The following AHNAK variants were observed in gnomAD, a reference collection of about 807,000 sequenced individuals.
The protein encoded by AHNAK is neuroblast differentiation-associated protein AHNAK.
In AHNAK, 23 loss-of-function variants were observed where a neutral mutation model predicts 37.8. That is an observed-to-expected ratio of 0.61 (90% CI 0.44 to 0.86). The LOEUF is 0.86. Among genes scored for constraint, AHNAK ranks in the 40% least tolerant of loss-of-function variants. AHNAK has a pLI of 0.00. For synonymous variants in AHNAK, 2,481 were observed against 2,636.3 expected (o/e 0.94, Z 1.80); for missense variants, 7,411 against 7,319.4 (o/e 1.01, Z -0.46).
At chr11:62,451,834 GT>G (rs1938545154) in intron 5 of AHNAK, among the ~76,000 whole-genome samples, 1 of 140,636 alleles carries the variant, frequency 7.1e-6, no homozygotes, top group Non-Finnish European at 1.5e-5. Context: ...TTTGGACAGA[GT>G]CTTGCTCTGT....
At chr11:62,475,435 T>A (rs901330519) in intron 5 of AHNAK, among the ~76,000 whole-genome samples, 60 of 152,106 alleles carry the variant, frequency 3.9e-4, no homozygotes, top group Non-Finnish European at 4.6e-4. Context: ...ATATGGCATG[T>A]TCTCACTTAT....
chr11:62,510,924 A>T (rs1939898413), downstream of AHNAK, among the ~76,000 whole-genome samples: 1 of 152,162 alleles, frequency 6.6e-6, no homozygotes, highest in Non-Finnish European at 1.5e-5. Context: ...ACACTTTAAA[A>T]AAAAAGAAAT....
Position 62,520,948 on chromosome 11 carries a change from C to T in AHNAK, c.13469G>A (p.Gly4490Glu). ...AGGACCTTCAATGTCTACCTCTGGC[C>T]CTTTCAGATCACTTTCCACCTTAGG... ...SLPKVESDLK[G>E]PEVDIEGPEG... The change falls in exon 5 of 5, where the codon GGG (glycine) becomes GAG (glutamate). Residue 4490 changes from glycine to glutamate, a missense_variant. By Grantham distance (98) the Gly-to-Glu change is moderately conservative (BLOSUM62 -2). Coordinates refer to ENST00000378024, the MANE Select transcript of AHNAK (RefSeq NM_001620.3). 9 of 1,614,112 alleles carry T rather than the reference C, an allele frequency of 5.6e-6. No individual in the cohort carries two copies. The highest frequency in any genetic ancestry group is 7.6e-6 in the Non-Finnish European group (9 of 1,180,024).
intron 5 of AHNAK, among the ~76,000 whole-genome samples, chr11:62,487,969 CA>C (rs975002347): frequency 6.6e-6 from 1 of 152,152 alleles, no homozygotes; most frequent in Non-Finnish European, 1.5e-5. Context: ...CATCCATGAT[CA>C]GGGGAAAGAG....
At chr11:62,452,064 G>A (rs547963081) in intron 5 of AHNAK, among the ~76,000 whole-genome samples, 6 of 151,860 alleles carry the variant, frequency 4.0e-5, no homozygotes, top group Admixed American at 2.6e-4. Flanking sequence ...CACCTGCCTC[G>A]GCCTCCCAAA....
chr11:62,438,178 TCTC>T (rs1565194001), intron 5 of AHNAK, among the ~76,000 whole-genome samples: 1 of 138,650 alleles, frequency 7.2e-6, no homozygotes, highest in Non-Finnish European at 1.5e-5. Context: ...TTTTTCTTTC[TCTC>T]TTTTTTTTTT....
In AHNAK at chr11:62,526,981, T is replaced by C; in HGVS notation, c.7436A>G (p.Glu2479Gly). The change falls in exon 5 of 5, where the codon GAA (glutamate) becomes GGA (glycine). Residue 2479 changes from glutamate to glycine, a missense_variant. By Grantham distance (98) the Glu-to-Gly change is moderately conservative (BLOSUM62 -2). Transcript: ENST00000378024. The part of the protein sequence containing the change: ...GDVDVSVPEV[E>G]GKLEVPDMNI... The stretch of plus-strand genomic sequence containing the variant: ...CATATCTGGTACTTCAAGTTTACCT[T>C]CTACCTCAGGCACAGACACATCCAC... 6.2e-7 allele frequency: 1 copy of C among 1,614,070 alleles called. No homozygotes were observed. Among genetic ancestry groups the C allele is most frequent in the South Asian group, 1.1e-5 (1 of 91,074 alleles).
chr11:62,465,353 G>A (rs914344362), intron 5 of AHNAK, among the ~76,000 whole-genome samples: 6 of 152,280 alleles, frequency 3.9e-5, no homozygotes, highest in African/African-American at 7.2e-5. Flanking sequence ...GGTGGCTCAC[G>A]CCTGTAATCC....
In AHNAK at chr11:62,520,564, A is replaced by G. The variant is rs1441823516; in HGVS notation, c.13853T>C (p.Val4618Ala). 10 of 1,614,106 alleles carry G rather than the reference A, an allele frequency of 6.2e-6. No individual in the cohort carries two copies. Among genetic ancestry groups the G allele is most frequent in the Non-Finnish European group, 7.6e-6 (9 of 1,180,028 alleles). Residue 4618 changes from valine to alanine, a missense_variant, in exon 5 of 5, where the codon GTG (valine) becomes GCG (alanine). Val to Ala is a moderately conservative substitution (Grantham distance 64). Coordinates refer to ENST00000378024, the MANE Select transcript of AHNAK (RefSeq NM_001620.3). Reference sequence around the variant, plus strand: ...TTCGGGGCCCTTGAGGTCGCCTTCCACTTTGGGCAGAGAAATGTCCATGTC... The same window carrying G: ...TTCGGGGCCCTTGAGGTCGCCTTCCGCTTTGGGCAGAGAAATGTCCATGTC... ...KGDMDISLPK[V>A]EGDLKGPEVD...
At chr11:62,469,956 T>C (rs1205364333) in intron 5 of AHNAK, among the ~76,000 whole-genome samples, 1 of 152,110 alleles carries the variant, frequency 6.6e-6, no homozygotes, top group Non-Finnish European at 1.5e-5. Context: ...ATGAAAAACC[T>C]CATAGGGTTT....
At chr11:62,448,296 A>G (rs1207833069) in intron 5 of AHNAK, among the ~76,000 whole-genome samples, 1 of 152,176 alleles carries the variant, frequency 6.6e-6, no homozygotes, top group Non-Finnish European at 1.5e-5. Flanking sequence ...AGGATTCACA[A>G]TCAAATGTGT....
In AHNAK at chr11:62,524,530, G is replaced by A. The variant is rs1940396314; in HGVS notation, c.9887C>T (p.Pro3296Leu). 2 of 1,613,990 alleles carry A rather than the reference G, an allele frequency of 1.2e-6. No individual in the cohort carries two copies. The highest frequency in any genetic ancestry group is 1.7e-6 in the Non-Finnish European group (2 of 1,180,034). ...MHVNMPKISM[P>L]EIDLNLKGSK... ...GCCTTTCAAATTCAAGTCAATTTCT[G>A]GCATGGAGATCTTGGGCATGTTTAC... The change falls in exon 5 of 5, where the codon CCA (proline) becomes CTA (leucine). Residue 3296 changes from proline (P) to leucine (L), a missense_variant. Pro to Leu is a moderately conservative substitution (Grantham distance 98). Transcript: ENST00000378024.
At position 62,524,110 on chromosome 11, in the gene AHNAK, G is replaced by T. The variant is rs537216127; in HGVS notation, c.10307C>A (p.Ala3436Glu). The change falls in exon 5 of 5, where the codon GCA (alanine) becomes GAA (glutamate). Residue 3436 changes from alanine (A) to glutamate (E), a missense_variant. Ala to Glu is a moderately radical substitution (Grantham distance 107). Coordinates refer to ENST00000378024, the MANE Select transcript of AHNAK (RefSeq NM_001620.3). ...AAAGTCACCTTCTAAATTGGGACCTGCAATATCTAAGTCTCCTTTGACTTT... is the reference window on the plus strand; with the variant it reads ...AAAGTCACCTTCTAAATTGGGACCTTCAATATCTAAGTCTCCTTTGACTTT... The part of the protein sequence containing the change: ...SPKVKGDLDI[A>E]GPNLEGDFKG... 1 of 1,614,064 alleles carries T rather than the reference G, an allele frequency of 6.2e-7. No individual in the cohort carries two copies. The highest frequency in any genetic ancestry group is 1.3e-5 in the African/African-American group (1 of 74,988).
rs1940622140 is a variant in AHNAK at position 62,529,042 on chromosome 11, C to A, written c.5375G>T (p.Gly1792Val). The A allele has an allele frequency of 3.1e-6, 5 of 1,614,022 alleles. No individual in the cohort carries two copies. Among genetic ancestry groups the A allele is most frequent in the South Asian group, 2.2e-5 (2 of 91,082 alleles). ...SMPDVDLNLK[G>V]PKLKGEIDAS... The stretch of plus-strand genomic sequence containing the variant: ...ATCTATCTCTCCCTTCAGTTTGGGT[C>A]CCTTCAAATTCAAGTCCACATCTGG... Residue 1792 changes from glycine to valine, a missense_variant, in exon 5 of 5, where the codon GGA becomes GTA. Transcript: ENST00000378024.
Position 62,531,328 on chromosome 11 carries a change from G to A in AHNAK, c.3089C>T (p.Ser1030Phe), listed in dbSNP as rs1158315714. Residue 1030 changes from serine to phenylalanine, a missense_variant, in exon 5 of 5, where the codon TCT becomes TTT. Transcript: ENST00000378024. ...VNLSKANVDISAPKVDTNAPD... is the reference protein window; with the variant it reads ...VNLSKANVDIFAPKVDTNAPD... ...AGCATTAGTATCTACTTTTGGTGCA[G>A]AAATGTCCACATTCGCTTTGGACAG... is the stretch of plus-strand genomic sequence containing the variant. The A allele has an allele frequency of 1.9e-6, 3 of 1,613,584 alleles. No homozygotes were observed. In the South Asian group the frequency reaches 3.3e-5, roughly 18 times the overall value.
intron 5 of AHNAK, among the ~76,000 whole-genome samples, chr11:62,489,878 C>G (rs1939469178): frequency 6.6e-6 from 1 of 152,096 alleles, no homozygotes. Flanking sequence ...AGGGCAAAGT[C>G]ATCCTAACCA....
Position 62,531,477 on chromosome 11 carries a change from T to C in AHNAK, c.2940A>G (p.Val980=). The change falls in exon 5 of 5, where the codon GTA becomes GTG. Residue 980 remains valine, a synonymous_variant. Transcript: ENST00000378024. The part of the protein sequence containing the change: ...KLEGDLKGPK[V]DVSAPDVEMQ... ...TTTCAACATCTGGGGCACTGACATC[T>C]ACTTTTGGGCCTTTCAGGTCCCCTT... is the stretch of plus-strand genomic sequence containing the variant. 6.2e-7 allele frequency: 1 copy of C among 1,614,238 alleles called. No individual in the cohort carries two copies. Among genetic ancestry groups the C allele is most frequent in the South Asian group, 1.1e-5 (1 of 91,084 alleles).
Position 62,531,640 on chromosome 11 carries a change from T to G in AHNAK, c.2777A>C (p.Glu926Ala). 6.2e-7 allele frequency: 1 copy of G among 1,613,680 alleles called. No homozygotes were observed. Among genetic ancestry groups the G allele is most frequent in the Non-Finnish European group, 8.5e-7 (1 of 1,179,922 alleles). Residue 926 changes from glutamate to alanine, a missense_variant, in exon 5 of 5, where the codon GAA becomes GCA. By Grantham distance (107) the Glu-to-Ala change is moderately radical (BLOSUM62 -1). Transcript: ENST00000378024. ...GAACTTGGGGCCCTTCAGCTTTCCT[T>G]CAGGTCCTTCAATATTCACATCTGG... ...EVPDVNIEGP[E>A]GKLKGPKFKM...
chr11:62,523,953 T>G lies in AHNAK; in HGVS notation c.10464A>C (p.Lys3488Asn). 6.2e-7 allele frequency: 1 copy of G among 1,614,054 alleles called. No individual in the cohort carries two copies. The highest frequency in any genetic ancestry group is 8.5e-7 in the Non-Finnish European group (1 of 1,180,022). The change falls in exon 5 of 5, where the codon AAA (lysine) becomes AAC (asparagine). Residue 3488 changes from lysine (K) to asparagine (N), a missense_variant. Transcript: ENST00000378024. ...KMPKFSVSGL[K>N]AEGPDVAVDL... ...CCACAGCTACATCTGGCCCTTCTGC[T>G]TTTAAGCCAGACACACTGAATTTGG...
Sources: gnomAD v4.1 joint callset for allele counts (sites outside exome capture counted in the v4.1 genomes callset) on GRCh38, gnomAD v4.1.1 for gene constraint, MANE v1.5 for transcripts, NCBI Gene and HGNC (gene_info 2026-07-23, HGNC 2026-07-21) for gene names.